Variants in SLC41A2 observed in about 807,000 individuals in gnomAD.
The protein encoded by SLC41A2 is SLC41A1-like 1.
Under a neutral mutation model 58.3 loss-of-function variants are expected in SLC41A2, and 32 were observed. That is an observed-to-expected ratio of 0.55 (90% CI 0.41 to 0.74). SLC41A2 has a LOEUF of 0.74. Among genes scored for constraint, SLC41A2 ranks in the 30% least tolerant of loss-of-function variants. The pLI, the probability that SLC41A2 is intolerant of heterozygous loss-of-function variation, is 0.00. For missense variants in SLC41A2, 514 were observed against 680.6 expected (o/e 0.76, Z 2.72); for synonymous variants, 190 against 235.0 (o/e 0.81, Z 1.75).
chr12:104,938,943 T>G (rs1205965725), intron 1 of SLC41A2, among the ~76,000 whole-genome samples: 2 of 152,106 alleles, frequency 1.3e-5, no homozygotes, highest in African/African-American at 4.8e-5. Flanking sequence ...AAACCAAAAT[T>G]TCCTCCCAAA....
rs1414014333 is a variant in SLC41A2, at chr12:104,815,902, GGGTGGCA to G, written c.1537-10572_1537-10566del. 2.0e-5 allele frequency among the ~76,000 whole-genome samples: 3 copies of G among 152,188 alleles called. No individual in the cohort carries two copies. The East Asian group carries it at 5.8e-4, about 29-fold the overall frequency. ...TTTCTTTGGCTTGAACTATTTTGTT[GGGTGGCA>G]GGTGGGGGAAGGTGGGAAATAAATG... On this transcript the variant is annotated intron_variant, in intron 10 of 10. Transcript: ENST00000258538.
At chr12:104,957,555 C>G (rs1463134460) in intron 1 of SLC41A2, among the ~76,000 whole-genome samples, 1 of 152,260 alleles carries the variant, frequency 6.6e-6, no homozygotes, top group East Asian at 1.9e-4. Context: ...AAAAAGATGA[C>G]ATATATACGT....
chr12:104,915,393 C>T (rs146353128), intron 2 of SLC41A2, among the ~76,000 whole-genome samples: 2,216 of 152,256 alleles, frequency 0.015, 68 homozygotes, highest in African/African-American at 0.05. Flanking sequence ...ATTCTTCCTA[C>T]CCATGAGCAT....
intron 2 of SLC41A2, among the ~76,000 whole-genome samples, chr12:104,914,830 G>A (rs1329072480): frequency 6.6e-6 from 1 of 152,248 alleles, no homozygotes; most frequent in Non-Finnish European, 1.5e-5. Context: ...GACTGTGCCT[G>A]CACATAGTAA....
At chr12:104,897,431 C>G (rs1307931931) in intron 3 of SLC41A2, among the ~76,000 whole-genome samples, 2 of 151,924 alleles carry the variant, frequency 1.3e-5, no homozygotes, top group Admixed American at 6.6e-5. Context: ...AGGAGTGAGC[C>G]ACCACACCCA....
At chr12:104,875,965 C>T (rs561368765) in intron 6 of SLC41A2, among the ~76,000 whole-genome samples, 1 of 152,090 alleles carries the variant, frequency 6.6e-6, no homozygotes, top group Non-Finnish European at 1.5e-5. Flanking sequence ...ACTTTAATAA[C>T]TATTTGTTAT....
Position 104,889,167 on chromosome 12 carries a change from G to A in SLC41A2, c.746C>T (p.Thr249Ile). 6.2e-7 allele frequency: 1 copy of A among 1,604,356 alleles called. No homozygotes were observed. Residue 249 changes from threonine to isoleucine, a missense_variant, in exon 5 of 11, where the codon ACA (threonine) becomes ATA (isoleucine). Physicochemically the swap from Thr to Ile is moderately conservative, Grantham distance 89. Transcript: ENST00000258538. ...GNLALKQVQA[T>I]VVGFLAAVAA... Reference sequence around the variant, plus strand: ...CACAGCTGCTAGAAAACCCACTACTGTTGCCTGAACCTAAAATTTTTTTCA... The same window carrying A: ...CACAGCTGCTAGAAAACCCACTACTATTGCCTGAACCTAAAATTTTTTTCA...
Position 104,846,091 on chromosome 12 carries a change from T to A in SLC41A2, c.1256-117A>T, listed in dbSNP as rs1049201629. The A allele has an allele frequency of 1.7e-5, 17 of 1,004,578 alleles. 1 individual carries two copies. The highest frequency in any genetic ancestry group is 5.5e-5 in the Admixed American group (2 of 36,432). The allele number at this position is 1,004,578 out of a possible 1,614,324, so 62.2% of individuals were successfully genotyped here. A position where few individuals can be genotyped will look rare whatever the true frequency, so the allele number is the denominator to read the frequency against. ...TGGGCCAATAAAACAAAATAAAGAG[T>A]TCTTCTGAAATGTTGATCTATTTAA... is the stretch of plus-strand genomic sequence containing the variant. On this transcript the variant is annotated intron_variant, in intron 8 of 10. Coordinates refer to ENST00000258538, the MANE Select transcript of SLC41A2 (RefSeq NM_001352171.3).
intron 8 of SLC41A2, among the ~76,000 whole-genome samples, chr12:104,850,084 T>G (rs567956844): frequency 6.6e-6 from 1 of 152,300 alleles, no homozygotes; most frequent in South Asian, 2.1e-4. Context: ...ACAGGATGTC[T>G]GAACCAGGTG....
At chr12:104,822,898 C>T (rs2041693738) in intron 10 of SLC41A2, among the ~76,000 whole-genome samples, 1 of 151,890 alleles carries the variant, frequency 6.6e-6, no homozygotes, top group African/African-American at 2.4e-5. Context: ...AGAAAACTCA[C>T]TATATTGAGA....
chr12:104,903,386 C>T (rs905036417), intron 3 of SLC41A2, among the ~76,000 whole-genome samples: 1 of 152,178 alleles, frequency 6.6e-6, no homozygotes, highest in Non-Finnish European at 1.5e-5. Context: ...CTAAAATTGT[C>T]CCCCCTCACT....
chr12:104,957,606 G>A (rs1331079119), intron 1 of SLC41A2, among the ~76,000 whole-genome samples: 2 of 152,228 alleles, frequency 1.3e-5, no homozygotes, highest in East Asian at 1.9e-4. Context: ...ATAGATATGT[G>A]TCATCTCTCT....
At chr12:104,929,448 C>T (rs2046974570) in intron 1 of SLC41A2, among the ~76,000 whole-genome samples, 1 of 152,260 alleles carries the variant, frequency 6.6e-6, no homozygotes, top group African/African-American at 2.4e-5. Context: ...ATGCCCTGCC[C>T]TGTCCATTCA....
rs1491116311 is a variant in SLC41A2, at chr12:104,947,194, C to CTTTTTTTTT, written c.-168+10893_-168+10894insAAAAAAAAA. On this transcript the variant is annotated intron_variant, in intron 1 of 10. Coordinates refer to ENST00000258538, the MANE Select transcript of SLC41A2 (RefSeq NM_001352171.3). The stretch of plus-strand genomic sequence containing the variant: ...CTGAATTTCTGGCTTTTATTTTTGT[C>CTTTTTTTTT]CTTTTTTTTTTTTTTTTTTTTTTTT... Among the ~76,000 whole-genome samples the CTTTTTTTTT allele has an allele frequency of 2.0e-4, 11 of 53,686 alleles. 2 individuals carry two copies. The highest frequency in any genetic ancestry group is 1.1e-4 in the Non-Finnish European group (3 of 28,158). 35.2% of individuals were successfully genotyped at this position (53,686 alleles called of 152,430 possible). A position where few individuals can be genotyped will look rare whatever the true frequency, so the allele number is the denominator to read the frequency against.
At chr12:104,946,108 G>A (rs571192868) in intron 1 of SLC41A2, among the ~76,000 whole-genome samples, 1 of 152,110 alleles carries the variant, frequency 6.6e-6, no homozygotes, top group Non-Finnish European at 1.5e-5. Flanking sequence ...GCTCAAACAT[G>A]CTTCGACTGC....
chr12:104,853,621 C>T (rs561479984), intron 8 of SLC41A2, among the ~76,000 whole-genome samples: 1 of 152,224 alleles, frequency 6.6e-6, no homozygotes, highest in East Asian at 1.9e-4. Context: ...CATTTCCCTC[C>T]CACTTGTAGA....
At chr12:104,913,623 A>C (rs946956242) in intron 2 of SLC41A2, among the ~76,000 whole-genome samples, 1 of 152,036 alleles carries the variant, frequency 6.6e-6, no homozygotes, top group Admixed American at 6.5e-5. Flanking sequence ...ACCCAGCATA[A>C]ATTCCTATTT....
intron 1 of SLC41A2, among the ~76,000 whole-genome samples, chr12:104,942,765 C>T (rs546272156): frequency 6.6e-6 from 1 of 152,180 alleles, no homozygotes; most frequent in South Asian, 2.1e-4. Flanking sequence ...GTTTTATTTT[C>T]TCTGGTACTC....
chr12:104,940,497 TAAAAAACA>T (rs887763335), intron 1 of SLC41A2, among the ~76,000 whole-genome samples: 3 of 108,124 alleles, frequency 2.8e-5, no homozygotes, highest in African/African-American at 1.1e-4. Flanking sequence ...TAAAGTATAA[TAAAAAACA>T]AAAAAATAAA....
Sources: allele counts gnomAD v4.1 joint callset (sites outside exome capture counted in the v4.1 genomes callset), GRCh38; gene constraint gnomAD v4.1.1; transcripts MANE v1.5; gene names NCBI Gene and HGNC (gene_info 2026-07-23, HGNC 2026-07-21).